PHLDB2: variants seen among roughly 807,000 people sequenced by gnomAD.
The protein encoded by PHLDB2 is pleckstrin homology-like domain family B member 2.
In PHLDB2, 71 loss-of-function variants were observed where a neutral mutation model predicts 123.6. The ratio of observed to expected loss-of-function variants is 0.57; its 90% confidence interval spans 0.47 to 0.70. The LOEUF is 0.70. Ranked by LOEUF, PHLDB2 falls within the 30% of genes least tolerant of loss-of-function variation. PHLDB2 has a pLI of 0.00. For missense variants in PHLDB2, 1,446 were observed against 1,519.5 expected (o/e 0.95, Z 0.80); for synonymous variants, 547 against 541.6 (o/e 1.01, Z -0.14).
intron 1 of PHLDB2, among the ~76,000 whole-genome samples, chr3:111,745,789 GAAAAGAAAAGAGAA>G (rs1053686232): frequency 7.4e-4 from 96 of 128,988 alleles, no homozygotes; most frequent in South Asian, 6.9e-3. Context: ...AGAAAGAAAA[GAAAAGAAAAGAGAA>G]AGAAAGAAGA....
At chr3:111,949,987 A>G (rs2070600845) in intron 10 of PHLDB2, 3 of 848,530 alleles carry the variant, frequency 3.5e-6, no homozygotes, top group African/African-American at 1.8e-5. Context: ...AGGCATTTTT[A>G]AAAAGGCAAG....
At chr3:111,833,915 A>G (rs191091018) in intron 1 of PHLDB2, among the ~76,000 whole-genome samples, 4 of 668 alleles carry the variant, frequency 6.0e-3, no homozygotes, top group African/African-American at 0.025. Context: ...TATATGTAAT[A>G]GAATTATATA....
At chr3:111,779,884 C>G in intron 1 of PHLDB2, 1 of 982,762 alleles carries the variant, frequency 1.0e-6, no homozygotes, top group Non-Finnish European at 1.2e-6. Flanking sequence ...AGTCAATCAG[C>G]CATGGCCAAT....
At chr3:111,892,708 C>T (rs9840718) in intron 2 of PHLDB2, among the ~76,000 whole-genome samples, 22,108 of 152,064 alleles carry the variant, frequency 0.15, 1,899 homozygotes, top group East Asian at 0.26. Flanking sequence ...GATTTTCTAG[C>T]ATTCTTTGTA....
At chr3:111,887,376 C>A (rs1409690434) in intron 2 of PHLDB2, among the ~76,000 whole-genome samples, 1 of 152,106 alleles carries the variant, frequency 6.6e-6, no homozygotes, top group African/African-American at 2.4e-5. Flanking sequence ...TAGACTTGAT[C>A]TTGGTTGCAT....
chr3:111,790,618 G>A (rs1202925036), intron 1 of PHLDB2, among the ~76,000 whole-genome samples: 1 of 152,206 alleles, frequency 6.6e-6, no homozygotes, highest in African/African-American at 2.4e-5. Context: ...TTTCGCAGAT[G>A]CAAGAGAGAC....
chr3:111,874,925 A>G (rs2065527756), intron 1 of PHLDB2, among the ~76,000 whole-genome samples: 1 of 152,238 alleles, frequency 6.6e-6, no homozygotes, highest in African/African-American at 2.4e-5. Context: ...CTAAAAAACA[A>G]GAATATTAAT....
chr3:111,894,197 G>C (rs562368093), intron 2 of PHLDB2, among the ~76,000 whole-genome samples: 2,758 of 151,152 alleles, frequency 0.018, 86 homozygotes, highest in African/African-American at 0.063. Context: ...TACTGAGAAT[G>C]ATGATTTCCA....
At chr3:111,835,593 A>G (rs987318713) in intron 1 of PHLDB2, among the ~76,000 whole-genome samples, 1 of 152,162 alleles carries the variant, frequency 6.6e-6, no homozygotes, top group African/African-American at 2.4e-5. Context: ...TAAAACAATG[A>G]CAGTATTTAT....
intron 5 of PHLDB2, among the ~76,000 whole-genome samples, chr3:111,924,396 C>T (rs1026191113): frequency 6.6e-6 from 1 of 152,220 alleles, no homozygotes; most frequent in Non-Finnish European, 1.5e-5. Flanking sequence ...AGGATACTGC[C>T]CAGTGTGCTT....
chr3:111,765,816 GA>G (rs2060069363), intron 1 of PHLDB2, among the ~76,000 whole-genome samples: 1 of 152,100 alleles, frequency 6.6e-6, no homozygotes, highest in Non-Finnish European at 1.5e-5. Flanking sequence ...ACTTAAGGTG[GA>G]AAAGAAGCCA....
chr3:111,934,113 A>G (rs901084071), intron 6 of PHLDB2, among the ~76,000 whole-genome samples: 9 of 152,230 alleles, frequency 5.9e-5, no homozygotes, highest in African/African-American at 2.2e-4. Context: ...TTGAAGGCAG[A>G]GACTTCTTCC....
chr3:111,851,700 T>G (rs896199554), intron 2 of PHLDB2, among the ~76,000 whole-genome samples: 2 of 152,238 alleles, frequency 1.3e-5, no homozygotes, highest in African/African-American at 2.4e-5. Context: ...CTTCCTGTTG[T>G]CCCGCAGCAA....
At chr3:111,879,939 G>C (rs903632721) in intron 1 of PHLDB2, among the ~76,000 whole-genome samples, 158 of 144,310 alleles carry the variant, frequency 1.1e-3, no homozygotes, top group African/African-American at 4.0e-3. Flanking sequence ...TGTATTAGCT[G>C]TTGAATTTCC....
At chr3:111,790,479 A>G (rs1045246382) in intron 1 of PHLDB2, among the ~76,000 whole-genome samples, 2 of 152,232 alleles carry the variant, frequency 1.3e-5, no homozygotes, top group Non-Finnish European at 2.9e-5. Context: ...CTCTCTTCAC[A>G]GCACTTGAGG....
intron 1 of PHLDB2, among the ~76,000 whole-genome samples, chr3:111,786,992 T>G (rs909903092): frequency 6.6e-6 from 1 of 152,158 alleles, no homozygotes; most frequent in African/African-American, 2.4e-5. Context: ...AAAAAAAGTT[T>G]AAGAACTTAT....
intron 2 of PHLDB2, among the ~76,000 whole-genome samples, chr3:111,891,909 G>A (rs1434657309): frequency 6.6e-6 from 1 of 152,148 alleles, no homozygotes; most frequent in African/African-American, 2.4e-5. Context: ...GCTTTTAAGA[G>A]TATTCATTTG....
chr3:111,745,732 G>A (rs548313959), intron 1 of PHLDB2, among the ~76,000 whole-genome samples: 16 of 151,790 alleles, frequency 1.1e-4, no homozygotes, highest in African/African-American at 2.9e-4. Flanking sequence ...ACTGCCCTCC[G>A]GCCTGGGCAA....
chr3:111,826,558 G>A (rs561195209), intron 1 of PHLDB2, among the ~76,000 whole-genome samples: 2 of 152,226 alleles, frequency 1.3e-5, no homozygotes, highest in Admixed American at 6.5e-5. Flanking sequence ...GAAGAATCTT[G>A]GCAGCTAAAC....
Sources: allele counts gnomAD v4.1 joint callset (sites outside exome capture counted in the v4.1 genomes callset), GRCh38; gene constraint gnomAD v4.1.1; transcripts MANE v1.5; gene names NCBI Gene and HGNC (gene_info 2026-07-23, HGNC 2026-07-21).